Variants in GRIN2A observed in about 807,000 individuals in gnomAD.
The protein encoded by GRIN2A is glutamate ionotropic receptor NMDA type subunit 2A, also known as glutamate receptor ionotropic, NMDA 2A.
In GRIN2A, 22 loss-of-function variants were observed where a neutral mutation model predicts 113.4. The ratio of observed to expected loss-of-function variants is 0.19; its 90% CI spans 0.14 to 0.28. The LOEUF is 0.28. Ranked by LOEUF, GRIN2A falls within the 10% of genes least tolerant of loss-of-function variation. The pLI, the probability that GRIN2A is intolerant of heterozygous loss-of-function variation, is 1.00. For missense variants in GRIN2A, 1,502 were observed against 1,887.0 expected, an observed-to-expected ratio of 0.80 and a Z score of 3.78; for synonymous variants, 827 against 738.4, an observed-to-expected ratio of 1.12 and a Z score of -1.94.
chr16:9,762,840 C>G lies in GRIN2A; in HGVS notation c.*309G>C. 2.1e-6 allele frequency: 1 copy of G among 471,986 alleles called. No individual in the cohort carries two copies. Among genetic ancestry groups the G allele is most frequent in the East Asian group, 3.6e-5 (1 of 27,958 alleles). 29.2% of individuals were successfully genotyped at this position (471,986 alleles called of 1,614,324 possible). The stretch of plus-strand genomic sequence containing the variant: ...GAAATCATAACATCACCATTGGCAT[C>G]CAATGCATCATTATTGCCAACATAC... On this transcript the variant is annotated 3_prime_UTR_variant, in exon 13 of 13. Transcript: ENST00000330684.
At chr16:10,073,285 A>T (rs72774134) in intron 2 of GRIN2A, among the ~76,000 whole-genome samples, 14,608 of 152,100 alleles carry the variant, frequency 0.096, 775 homozygotes, top group African/African-American at 0.11. Flanking sequence ...GCATTCCTGA[A>T]ACCTAGGGAA....
intron 2 of GRIN2A, among the ~76,000 whole-genome samples, chr16:10,147,131 C>T (rs866957115): frequency 6.6e-6 from 1 of 152,076 alleles, no homozygotes; most frequent in Admixed American, 6.5e-5. Flanking sequence ...CTTATGGCAC[C>T]CCCTGTGTAT....
At chr16:9,890,806 C>A (rs1407434859) in intron 4 of GRIN2A, among the ~76,000 whole-genome samples, 180 bp downstream of exon 4, 3 of 152,202 alleles carry the variant, frequency 2.0e-5, no homozygotes, top group African/African-American at 7.2e-5. Flanking sequence ...CCAGAGAAAG[C>A]ATTCCAATTG....
chr16:10,064,512 C>G (rs141827101), intron 2 of GRIN2A, among the ~76,000 whole-genome samples: 132 of 152,328 alleles, frequency 8.7e-4, no homozygotes, highest in African/African-American at 2.9e-3. Flanking sequence ...CAAACCTATG[C>G]TTGTTTCTAC....
chr16:9,890,972 A>G lies in GRIN2A; in HGVS notation c.1122+14T>C, dbSNP rs778389712. 4 of 1,514,442 alleles carry G rather than the reference A, an allele frequency of 2.6e-6. No individual in the cohort carries two copies. The East Asian group carries it at 6.8e-5, about 26-fold the overall frequency. 93.8% of individuals were successfully genotyped at this position (1,514,442 alleles called of 1,614,324 possible). A position where few individuals can be genotyped will look rare whatever the true frequency, so the allele number is the denominator to read the frequency against. ...CTTCCCTCCCCTGCATTCAGCACAC[A>G]GAAGGATGCTCACCTTTTCCCATTC... On this transcript the variant is annotated intron_variant, in intron 4 of 12. Coordinates refer to ENST00000330684, the MANE Select transcript of GRIN2A (RefSeq NM_001134407.3).
chr16:9,975,228 C>T (rs1411017225), intron 2 of GRIN2A, among the ~76,000 whole-genome samples: 4 of 151,890 alleles, frequency 2.6e-5, no homozygotes, highest in Non-Finnish European at 4.4e-5. Flanking sequence ...AAAATGGATC[C>T]CCCAAAGATG....
intron 3 of GRIN2A, among the ~76,000 whole-genome samples, chr16:9,924,330 A>G (rs746531629): frequency 3.9e-4 from 60 of 152,104 alleles, no homozygotes; most frequent in Non-Finnish European, 1.6e-4. Flanking sequence ...TTCACTGTGG[A>G]AAGATATTAT....
intron 4 of GRIN2A, among the ~76,000 whole-genome samples, chr16:9,874,647 G>A (rs1037994824): frequency 1.3e-5 from 2 of 152,144 alleles, no homozygotes; most frequent in Non-Finnish European, 1.5e-5. Flanking sequence ...TTGCAGTCTA[G>A]CAGACCTGAG....
At chr16:10,137,053 G>T (rs1172129012) in intron 2 of GRIN2A, among the ~76,000 whole-genome samples, 3 of 152,162 alleles carry the variant, frequency 2.0e-5, no homozygotes, top group African/African-American at 7.2e-5. Context: ...CAAGACAACG[G>T]ACTGGAGTGC....
At chr16:9,902,652 C>T (rs1392645798) in intron 3 of GRIN2A, among the ~76,000 whole-genome samples, 1 of 152,136 alleles carries the variant, frequency 6.6e-6, no homozygotes, top group East Asian at 1.9e-4. Context: ...TTTAACCTCC[C>T]TACACCTCAG....
rs57308394 is a variant in GRIN2A at position 10,094,454 on chromosome 16, G to GT, written c.414+85543dup. 4.8e-3 allele frequency among the ~76,000 whole-genome samples: 709 copies of GT among 146,558 alleles called. 2 individuals are homozygous for GT. Among genetic ancestry groups the GT allele is most frequent in the Middle Eastern group, 0.01 (3 of 290 alleles). ...GCATATTATTCTCACCAAGAAAACA[G>GT]TTTTTTTTTTTTGAGATGGAATCTC... On this transcript the variant is annotated intron_variant, in intron 2 of 12. Coordinates refer to ENST00000330684, the MANE Select transcript of GRIN2A (RefSeq NM_001134407.3).
chr16:10,070,354 G>A (rs2047726321), intron 2 of GRIN2A, among the ~76,000 whole-genome samples: 3 of 152,190 alleles, frequency 2.0e-5, no homozygotes, highest in Admixed American at 2.0e-4. Flanking sequence ...TCTTAGAAGT[G>A]CAGAGTCTCA....
intron 3 of GRIN2A, among the ~76,000 whole-genome samples, chr16:9,893,062 G>C (rs2043729238): frequency 6.6e-6 from 1 of 152,168 alleles, no homozygotes; most frequent in South Asian, 2.1e-4. Context: ...ACTGATGGGG[G>C]TGTTGTGTGG....
In GRIN2A at chr16:9,844,121, T is replaced by G. The variant is rs190373487; in HGVS notation, c.1329-3017A>C. ...GCTCTTCCTTCACCTGGTCAAGATT[T>G]CTGGAAGATTAGAGAGAAGTTTTAG... On this transcript the variant is annotated intron_variant, in intron 5 of 12. Transcript: ENST00000330684. 3.9e-5 allele frequency among the ~76,000 whole-genome samples: 6 copies of G among 152,278 alleles called. 1 individual carries two copies. The East Asian group carries it at 1.2e-3, about 29-fold the overall frequency.
intron 3 of GRIN2A, among the ~76,000 whole-genome samples, chr16:9,910,574 G>A (rs1183593188): frequency 2.3e-5 from 3 of 133,080 alleles, no homozygotes; most frequent in Non-Finnish European, 3.1e-5. Context: ...GAGTCTTGCC[G>A]TTGCCCAGGC....
chr16:9,886,717 A>G (rs2043593409), intron 4 of GRIN2A, among the ~76,000 whole-genome samples: 1 of 152,218 alleles, frequency 6.6e-6, no homozygotes, highest in South Asian at 2.1e-4. Flanking sequence ...TGAATAGACG[A>G]ACCATGAAGT....
intron 2 of GRIN2A, among the ~76,000 whole-genome samples, chr16:10,005,508 G>A (rs2141852903): frequency 6.6e-6 from 1 of 152,336 alleles, no homozygotes; most frequent in Non-Finnish European, 1.5e-5. Context: ...CCATGAGTGA[G>A]TGAAGTGGTC....
intron 3 of GRIN2A, among the ~76,000 whole-genome samples, chr16:9,915,183 G>A (rs1017626072): frequency 5.3e-5 from 8 of 151,424 alleles, no homozygotes; most frequent in Non-Finnish European, 1.0e-4. Flanking sequence ...TGATCCGCCC[G>A]CCTCAGCCTC....
intron 2 of GRIN2A, among the ~76,000 whole-genome samples, chr16:9,995,594 C>T (rs2046207549): frequency 6.6e-6 from 1 of 152,072 alleles, no homozygotes; most frequent in Non-Finnish European, 1.5e-5. Context: ...TCTATTCACT[C>T]CCAGTCATAA....
Sources: allele counts gnomAD v4.1 joint callset (sites outside exome capture counted in the v4.1 genomes callset), GRCh38; gene constraint gnomAD v4.1.1; transcripts MANE v1.5; gene names NCBI Gene and HGNC (gene_info 2026-07-23, HGNC 2026-07-21).